TSPAN11: variants seen among roughly 807,000 people sequenced by gnomAD.
TSPAN11 encodes tetraspanin 11.
A neutral mutation model predicts 32.9 loss-of-function variants in TSPAN11; 29 were observed. The observed-to-expected ratio is 0.88, with a 90% CI of 0.66 to 1.20. TSPAN11 has a LOEUF of 1.20. Ranked by LOEUF, TSPAN11 falls within the 50% of genes most tolerant of loss-of-function variation. TSPAN11 has a pLI of 0.00. For synonymous variants in TSPAN11, 140 were observed against 141.3 expected (o/e 0.99, Z 0.07); for missense variants, 283 against 329.1 (o/e 0.86, Z 1.08).
At chr12:30,980,108 C>T (rs11051195) in intron 5 of TSPAN11, among the ~76,000 whole-genome samples, 44,356 of 152,112 alleles carry the variant, frequency 0.29, 7,000 homozygotes, top group East Asian at 0.5. Context: ...CTGTAACCAG[C>T]GGAGGTATTT....
In TSPAN11 at chr12:30,996,368, C is replaced by T. The variant is rs1275761245; in HGVS notation, c.*4453C>T. On this transcript the variant is annotated 3_prime_UTR_variant, in exon 8 of 8. Coordinates refer to ENST00000546076, the MANE Select transcript of TSPAN11 (RefSeq NM_001370302.1). ...TACCCTGCCCTGTGCAAGTGCCAGC[C>T]GTTATTCCAGGCAGCCCAATGTTGT... 1.3e-5 allele frequency: 2 copies of T among 152,260 alleles called. No individual in the cohort carries two copies. Among genetic ancestry groups the T allele is most frequent in the South Asian group, 2.1e-4 (1 of 4,828 alleles). The allele number at this position is 152,260 out of a possible 1,614,324, so 9.4% of individuals were successfully genotyped here.
chr12:30,961,076 A>G (rs1005727631), intron 2 of TSPAN11, among the ~76,000 whole-genome samples: 3 of 151,586 alleles, frequency 2.0e-5, no homozygotes, highest in African/African-American at 7.3e-5. Context: ...ATGGAAAACC[A>G]CGCTAGATTC....
At chr12:30,950,070 TCAGG>T (rs1241873394) in intron 1 of TSPAN11, among the ~76,000 whole-genome samples, 1 of 152,144 alleles carries the variant, frequency 6.6e-6, no homozygotes, top group Non-Finnish European at 1.5e-5. Flanking sequence ...TCTATGCTGT[TCAGG>T]CATCTGTCCC....
At chr12:30,948,847 C>T (rs1938321710) in intron 1 of TSPAN11, among the ~76,000 whole-genome samples, 1 of 152,198 alleles carries the variant, frequency 6.6e-6, no homozygotes, top group Non-Finnish European at 1.5e-5. Context: ...ACTGCATTGT[C>T]AGGCTGCGAA....
chr12:30,970,260 C>G (rs964729002), intron 3 of TSPAN11, among the ~76,000 whole-genome samples: 2 of 152,206 alleles, frequency 1.3e-5, no homozygotes, highest in Admixed American at 6.5e-5. Flanking sequence ...AGCCAGCTGG[C>G]CAGGCCCTAA....
chr12:30,976,311 C>T (rs900741870), intron 3 of TSPAN11, among the ~76,000 whole-genome samples: 6 of 152,160 alleles, frequency 3.9e-5, no homozygotes, highest in East Asian at 1.9e-4. Flanking sequence ...GCGTCCTACA[C>T]GAGGGGACCA....
intron 7 of TSPAN11, among the ~76,000 whole-genome samples, chr12:30,990,556 C>T (rs1939292884): frequency 6.6e-6 from 1 of 152,196 alleles, no homozygotes; most frequent in African/African-American, 2.4e-5. Context: ...GGATTAACAC[C>T]AAGTCTGCAG....
At chr12:30,942,764 C>T (rs1208769593) in intron 1 of TSPAN11, among the ~76,000 whole-genome samples, 11 of 151,052 alleles carry the variant, frequency 7.3e-5, no homozygotes, top group Non-Finnish European at 1.2e-4. Flanking sequence ...AAGTCATGTA[C>T]TTAGGAAAAC....
chr12:30,956,354 A>AT (rs1466318222), intron 2 of TSPAN11, among the ~76,000 whole-genome samples: 1 of 152,162 alleles, frequency 6.6e-6, no homozygotes, highest in Non-Finnish European at 1.5e-5. Context: ...GCACTCAGAT[A>AT]TTTTTTTCTA....
chr12:30,966,010 T>A (rs1397947341), intron 3 of TSPAN11, among the ~76,000 whole-genome samples: 1 of 133,246 alleles, frequency 7.5e-6, no homozygotes, highest in Non-Finnish European at 1.6e-5. Flanking sequence ...CATTATGAGA[T>A]TTTTTTTGTG....
the TSPAN11 span, among the ~76,000 whole-genome samples, chr12:31,009,892 C>T: frequency 6.6e-6 from 1 of 152,326 alleles, no homozygotes; most frequent in African/African-American, 2.4e-5. Flanking sequence ...ATCCAAAGCC[C>T]TTTCCAGCCC....
At chr12:30,952,571 C>G in intron 1 of TSPAN11, among the ~76,000 whole-genome samples, 1 of 152,146 alleles carries the variant, frequency 6.6e-6, no homozygotes, top group East Asian at 1.9e-4. Context: ...TTCTTCCTGT[C>G]TCAGTGAGCC....
chr12:30,931,047 T>G (rs1937911981), intron 1 of TSPAN11, among the ~76,000 whole-genome samples: 1 of 152,200 alleles, frequency 6.6e-6, no homozygotes, highest in Non-Finnish European at 1.5e-5. Flanking sequence ...GGTGGTCCCC[T>G]GGTCTGTGTT....
At chr12:30,944,723 A>C (rs1938232980) in intron 1 of TSPAN11, among the ~76,000 whole-genome samples, 1 of 152,234 alleles carries the variant, frequency 6.6e-6, no homozygotes, top group African/African-American at 2.4e-5. Flanking sequence ...GTTGCTTGTG[A>C]CAATATGGTT....
the TSPAN11 span, among the ~76,000 whole-genome samples, chr12:31,014,091 T>G: frequency 3.9e-5 from 6 of 152,248 alleles, no homozygotes; most frequent in Non-Finnish European, 7.3e-5. Context: ...ATATTTTTCT[T>G]TTCTTTTTGC....
chr12:30,989,226 T>C (rs1249515447), intron 7 of TSPAN11, among the ~76,000 whole-genome samples: 1 of 152,170 alleles, frequency 6.6e-6, no homozygotes, highest in African/African-American at 2.4e-5. Flanking sequence ...GCAGGAGTCC[T>C]TGGGTTTAAG....
intron 7 of TSPAN11, among the ~76,000 whole-genome samples, chr12:30,983,695 A>T (rs958723210): frequency 6.6e-6 from 1 of 152,158 alleles, no homozygotes; most frequent in East Asian, 1.9e-4. Flanking sequence ...ATTCCAAAAA[A>T]TGGATGATTG....
At chr12:30,953,588 G>A (rs920393102) in intron 1 of TSPAN11, among the ~76,000 whole-genome samples, 3 of 152,182 alleles carry the variant, frequency 2.0e-5, no homozygotes, top group East Asian at 1.9e-4. Flanking sequence ...ATGATGCAGA[G>A]TGCAAGTTTC....
rs1251381413 is a variant in TSPAN11 at position 30,977,889 on chromosome 12, G to A, written c.277-672G>A. 2.6e-5 allele frequency among the ~76,000 whole-genome samples: 4 copies of A among 152,208 alleles called. No individual in the cohort carries two copies. In the East Asian group the frequency reaches 5.8e-4, roughly 22 times the overall value. On this transcript the variant is annotated intron_variant, in intron 3 of 7. Transcript: ENST00000546076. Reference sequence around the variant, plus strand: ...CATGTAGAACAGGAAATGGGCATCAGGGCTGAAAGACAACACAGGAATCAC... The same window carrying A: ...CATGTAGAACAGGAAATGGGCATCAAGGCTGAAAGACAACACAGGAATCAC...
Sources: allele counts gnomAD v4.1 joint callset (sites outside exome capture counted in the v4.1 genomes callset), GRCh38; gene constraint gnomAD v4.1.1; transcripts MANE v1.5; gene names NCBI Gene and HGNC (gene_info 2026-07-23, HGNC 2026-07-21).